Variants in CCDC150 observed in about 807,000 individuals in gnomAD.
CCDC150 encodes the protein coiled-coil domain-containing protein 150.
In CCDC150, 151 loss-of-function variants were observed where a neutral mutation model predicts 156.5. That is an observed-to-expected ratio of 0.97 (90% CI 0.85 to 1.10). The LOEUF (loss-of-function observed/expected upper bound fraction) is 1.10, where lower values mean the gene tolerates loss of function less well. CCDC150 is among the 50% of genes least tolerant of loss of function. CCDC150 has a pLI of 0.00. For synonymous variants in CCDC150, 452 were observed against 429.4 expected (o/e 1.05, Z -0.65); for missense variants, 1,312 against 1,268.1 (o/e 1.03, Z -0.53).
chr2:196,728,655 A>G (rs1237603759), intron 22 of CCDC150, among the ~76,000 whole-genome samples: 3 of 152,270 alleles, frequency 2.0e-5, no homozygotes, highest in Admixed American at 2.0e-4. Context: ...ACAGATATTT[A>G]TATAAACTGC....
chr2:196,684,701 AT>A (rs1399620756), intron 13 of CCDC150, among the ~76,000 whole-genome samples: 1 of 152,034 alleles, frequency 6.6e-6, no homozygotes, highest in African/African-American at 2.4e-5. Context: ...CAATACTGTC[AT>A]TTTTTGCTTC....
intron 8 of CCDC150, among the ~76,000 whole-genome samples, chr2:196,670,719 A>C (rs1694153331): frequency 6.6e-6 from 1 of 152,144 alleles, no homozygotes; most frequent in Non-Finnish European, 1.5e-5. Flanking sequence ...ATGTATAATA[A>C]TATAACAAAT....
At chr2:196,642,282 A>C (rs2376081) in intron 1 of CCDC150, among the ~76,000 whole-genome samples, 115,270 of 152,048 alleles carry the variant, frequency 0.76, 44,023 homozygotes, top group East Asian at 0.97. Flanking sequence ...TTTTCATGTA[A>C]GACTGTGCTT....
At chr2:196,663,909 A>G (rs1168784981) in intron 5 of CCDC150, among the ~76,000 whole-genome samples, 3 of 152,280 alleles carry the variant, frequency 2.0e-5, no homozygotes, top group African/African-American at 7.2e-5. Flanking sequence ...CATTCTCTGC[A>G]ATTCCCATTT....
At chr2:196,657,660 C>T (rs1011377029) in intron 4 of CCDC150, among the ~76,000 whole-genome samples, 1 of 152,032 alleles carries the variant, frequency 6.6e-6, no homozygotes, top group African/African-American at 2.4e-5. Context: ...AAGGAGCACA[C>T]GCAGAGGCAG....
At chr2:196,707,922 C>G (rs1302748476) in intron 15 of CCDC150, among the ~76,000 whole-genome samples, 1 of 152,080 alleles carries the variant, frequency 6.6e-6, no homozygotes, top group Non-Finnish European at 1.5e-5. Flanking sequence ...TGCTTTACTT[C>G]CAACTATATG....
chr2:196,656,925 G>C lies in CCDC150; in HGVS notation c.398-33G>C, dbSNP rs1020626783. ...GATTTTCTTTACTGACCTTCTTTCT[G>C]CTGCTTGATGCCCCTCCTGTGCGGT... On this transcript the variant is annotated intron_variant, in intron 3 of 27. Transcript: ENST00000389175. 3.1e-6 allele frequency: 5 copies of C among 1,611,580 alleles called. No individual in the cohort carries two copies. The African/African-American group carries it at 6.7e-5, about 22-fold the overall frequency.
intron 20 of CCDC150, among the ~76,000 whole-genome samples, chr2:196,721,264 T>C (rs1260543968): frequency 6.8e-6 from 1 of 146,800 alleles, no homozygotes; most frequent in Non-Finnish European, 1.5e-5. Context: ...CAAAGTTCTC[T>C]GGTGACCAAT....
intron 6 of CCDC150, among the ~76,000 whole-genome samples, chr2:196,666,102 TGG>T (rs1693824632): frequency 6.6e-6 from 1 of 152,226 alleles, no homozygotes; most frequent in Non-Finnish European, 1.5e-5. Context: ...GATCTAACAC[TGG>T]AAGCATATCA....
rs145645200 is a variant in CCDC150, at chr2:196,641,817, A to G, written c.12+2039A>G. On this transcript the variant is annotated intron_variant, in intron 1 of 27. Transcript: ENST00000389175. ...GTGATAAACAACATTGACTCCCTGGACTGTTATTTTGGAACCAACAGCATG... is the reference window on the plus strand; with the variant it reads ...GTGATAAACAACATTGACTCCCTGGGCTGTTATTTTGGAACCAACAGCATG... Among the ~76,000 whole-genome samples the G allele has an allele frequency of 1.4e-4, 22 of 152,218 alleles. No homozygotes were observed. In the East Asian group the frequency reaches 4.3e-3, roughly 29 times the overall value.
rs538792461 is a variant in CCDC150, at chr2:196,726,288, G to A, written c.2556+189G>A. ...AAGTTTCTGACATAATTCTCTGCCC[G>A]ACAAAGGTGTGCCTTGATGGGAGAT... On this transcript the variant is annotated intron_variant, in intron 22 of 27. Coordinates refer to ENST00000389175, the MANE Select transcript of CCDC150 (RefSeq NM_001080539.2). 66 of 533,448 alleles carry A rather than the reference G, an allele frequency of 1.2e-4. No individual in the cohort carries two copies. In the Admixed American group the frequency reaches 1.4e-3, roughly 11 times the overall value. The allele number at this position is 533,448 out of a possible 1,614,324, so 33.0% of individuals were successfully genotyped here. A position where few individuals can be genotyped will look rare whatever the true frequency, so the allele number is the denominator to read the frequency against.
At chr2:196,687,558 C>T (rs1347290504) in intron 13 of CCDC150, among the ~76,000 whole-genome samples, 1 of 152,100 alleles carries the variant, frequency 6.6e-6, no homozygotes, top group African/African-American at 2.4e-5. Context: ...TGTCTGTTTA[C>T]TCTGGTGATA....
chr2:196,689,955 AG>A (rs1207607437), intron 13 of CCDC150, among the ~76,000 whole-genome samples: 7 of 152,266 alleles, frequency 4.6e-5, no homozygotes, highest in East Asian at 1.9e-4. Flanking sequence ...TTTAGCATGA[AG>A]GGTTGTTGAA....
intron 13 of CCDC150, among the ~76,000 whole-genome samples, chr2:196,686,597 G>A (rs1695142880): frequency 6.6e-6 from 1 of 151,186 alleles, no homozygotes. Context: ...GCAATAGAGA[G>A]TACTTACACA....
chr2:196,694,052 ATTTTTT>A (rs57421391), intron 13 of CCDC150, among the ~76,000 whole-genome samples: 1 of 79,440 alleles, frequency 1.3e-5, no homozygotes. Context: ...TTTGTGGAAG[ATTTTTT>A]TTTTTTTTTT....
intron 4 of CCDC150, among the ~76,000 whole-genome samples, chr2:196,658,034 T>C (rs559182914): frequency 6.6e-6 from 1 of 152,220 alleles, no homozygotes; most frequent in African/African-American, 2.4e-5. Flanking sequence ...AAATAATTAG[T>C]AGTTGGGGTT....
At chr2:196,732,225 T>C in intron 27 of CCDC150, 73 bp downstream of exon 27, 1 of 1,500,378 alleles carries the variant, frequency 6.7e-7, no homozygotes, top group East Asian at 2.3e-5. Flanking sequence ...ACCGAAGTTC[T>C]CTCATCATCT....
At chr2:196,695,579 C>G (rs558358741) in intron 14 of CCDC150, among the ~76,000 whole-genome samples, 6 of 152,186 alleles carry the variant, frequency 3.9e-5, no homozygotes, top group African/African-American at 1.4e-4. Context: ...CGCGGTGGCT[C>G]ACACCTGTAA....
At chr2:196,701,556 G>A (rs564614509) in intron 15 of CCDC150, among the ~76,000 whole-genome samples, 1 of 152,318 alleles carries the variant, frequency 6.6e-6, no homozygotes, top group South Asian at 2.1e-4. Flanking sequence ...TGATGATACT[G>A]TTCTTTTGCT....
Sources: gnomAD v4.1 joint callset for allele counts (sites outside exome capture counted in the v4.1 genomes callset) on GRCh38, gnomAD v4.1.1 for gene constraint, MANE v1.5 for transcripts, NCBI Gene and HGNC (gene_info 2026-07-23, HGNC 2026-07-21) for gene names.